Variants in SCYL3 observed in about 807,000 individuals in gnomAD.
SCYL3 encodes the protein protein-associating with the carboxyl-terminal domain of ezrin.
Under a neutral mutation model 73.8 loss-of-function variants are expected in SCYL3, and 35 were observed. The observed-to-expected ratio is 0.47, with a 90% CI of 0.36 to 0.63. The LOEUF is 0.63. Ranked by LOEUF, SCYL3 falls within the 20% of genes least tolerant of loss-of-function variation. The probability of loss-of-function intolerance (pLI) is 0.00; values close to 1 mark genes in which losing one functional copy is unlikely to be tolerated. For synonymous variants in SCYL3, 277 were observed against 295.2 expected (o/e 0.94, Z 0.63); for missense variants, 712 against 798.9 (o/e 0.89, Z 1.31).
intron 2 of SCYL3, among the ~76,000 whole-genome samples, chr1:169,883,374 G>A (rs1297533237): frequency 6.6e-6 from 1 of 152,186 alleles, no homozygotes; most frequent in East Asian, 1.9e-4. Flanking sequence ...CAGCCTAGGG[G>A]TTGGGGACAC....
At chr1:169,860,674 C>T (rs882595) in intron 10 of SCYL3, among the ~76,000 whole-genome samples, 31,603 of 152,192 alleles carry the variant, frequency 0.21, 3,694 homozygotes, top group African/African-American at 0.31. Context: ...GTTCTGCCCA[C>T]TGAATATGAT....
chr1:169,851,937 G>T lies in SCYL3; in HGVS notation c.*1776C>A. The T allele has an allele frequency of 6.2e-7, 1 of 1,613,988 alleles. No homozygotes were observed. Among genetic ancestry groups the T allele is most frequent in the Non-Finnish European group, 8.5e-7 (1 of 1,179,922 alleles). ...AGAAGCAAAGAGGTCATCTTTACAG[G>T]TATGGGCTGATTTCAATAGGGGCCA... is the stretch of plus-strand genomic sequence containing the variant. On this transcript the variant is annotated 3_prime_UTR_variant, in exon 13 of 13. Coordinates refer to ENST00000367771, the MANE Select transcript of SCYL3 (RefSeq NM_020423.7).
At chr1:169,859,341 G>T in intron 10 of SCYL3, 129 bp from the exon 11 acceptor site, 1 of 822,296 alleles carries the variant, frequency 1.2e-6, no homozygotes. Context: ...ATGTGTTCCA[G>T]GTCAGTGGCT....
intron 1 of SCYL3, 116 bp from the exon 2 acceptor site, chr1:169,889,006 C>T (rs902869620): frequency 1.0e-5 from 5 of 501,202 alleles, no homozygotes; most frequent in Middle Eastern, 3.9e-4. Flanking sequence ...ATAACTAGGA[C>T]ATTTGACAGT....
chr1:169,887,554 C>T (rs1326797523), intron 2 of SCYL3, among the ~76,000 whole-genome samples: 10 of 151,946 alleles, frequency 6.6e-5, no homozygotes, highest in East Asian at 1.9e-4. Context: ...AACAAGAAAG[C>T]GAAGTAAGGC....
chr1:169,866,622 T>TA (rs1660048423), intron 8 of SCYL3, among the ~76,000 whole-genome samples: 1 of 152,208 alleles, frequency 6.6e-6, no homozygotes, highest in Non-Finnish European at 1.5e-5. Context: ...ACCTTTTCTC[T>TA]AACGACCTCC....
chr1:169,870,726 T>C (rs1660331607), intron 5 of SCYL3, among the ~76,000 whole-genome samples: 1 of 151,826 alleles, frequency 6.6e-6, no homozygotes, highest in South Asian at 2.1e-4. Flanking sequence ...CCTTACTATC[T>C]AAGATGCCCA....
At position 169,859,083 on chromosome 1, in the gene SCYL3, T is replaced by C. The variant is rs1382651931; in HGVS notation, c.1270A>G (p.Thr424Ala). The C allele has an allele frequency of 2.5e-6, 4 of 1,614,074 alleles. No individual in the cohort carries two copies. Among genetic ancestry groups the C allele is most frequent in the Admixed American group, 1.7e-5 (1 of 59,996 alleles). ...GTATTTTTAGTAAAACTTGGGGCAGTGCGTTTGAAGATCTTGGTTCGTTCT... is the reference window on the plus strand; with the variant it reads ...GTATTTTTAGTAAAACTTGGGGCAGCGCGTTTGAAGATCTTGGTTCGTTCT... ...GGERTKIFKR[T>A]APSFTKNTDL... The change falls in exon 11 of 13, where the codon ACT becomes GCT. Residue 424 changes from threonine (T) to alanine (A), a missense_variant. Physicochemically the swap from Thr to Ala is moderately conservative, Grantham distance 58. Coordinates refer to ENST00000367771, the MANE Select transcript of SCYL3 (RefSeq NM_020423.7).
chr1:169,892,254 G>C (rs1203552734), intron 1 of SCYL3, among the ~76,000 whole-genome samples: 1 of 132,396 alleles, frequency 7.6e-6, no homozygotes, highest in Admixed American at 7.4e-5. Context: ...AAGTTTTTTT[G>C]TTTGTTTTTT....
chr1:169,858,951 G>T, intron 11 of SCYL3, 90 bp downstream of exon 11: 2 of 1,079,408 alleles, frequency 1.9e-6, no homozygotes, highest in South Asian at 1.6e-5. Flanking sequence ...TATATCATTT[G>T]ACTGAATATG....
Position 169,852,224 on chromosome 1 carries a change from G to C in SCYL3, c.*1489C>G. The C allele has an allele frequency of 2.6e-6, 1 of 384,832 alleles. No homozygotes were observed. Among genetic ancestry groups the C allele is most frequent in the Non-Finnish European group, 4.7e-6 (1 of 212,848 alleles). 23.8% of individuals were successfully genotyped at this position (384,832 alleles called of 1,614,324 possible). On this transcript the variant is annotated 3_prime_UTR_variant, in exon 13 of 13. Coordinates refer to ENST00000367771, the MANE Select transcript of SCYL3 (RefSeq NM_020423.7). The stretch of plus-strand genomic sequence containing the variant: ...TAAATGCAGTCTTTACTGAACCACA[G>C]AAGAAAATGAAAGAAACTTACTCCT...
chr1:169,881,051 C>T (rs1423544945), intron 2 of SCYL3, among the ~76,000 whole-genome samples: 1 of 152,160 alleles, frequency 6.6e-6, no homozygotes, highest in Non-Finnish European at 1.5e-5. Context: ...CGTGAGCCAC[C>T]GTGCCCAGGT....
chr1:169,853,742 C>A lies in SCYL3; in HGVS notation c.2038G>T (p.Glu680Ter), dbSNP rs761179409. 1.2e-6 allele frequency: 2 copies of A among 1,613,642 alleles called. No homozygotes were observed. Among genetic ancestry groups the A allele is most frequent in the Non-Finnish European group, 1.7e-6 (2 of 1,179,850 alleles). The change falls in exon 13 of 13, where the codon GAG becomes TAG. Residue 680 changes from glutamate (E) to a stop codon, truncating the protein, a stop_gained. Transcript: ENST00000367771. LOFTEE classifies it high-confidence loss of function. The part of the protein sequence containing the change: ...GEAEGWEEEG[E>*]LNWEDNNW The stretch of plus-strand genomic sequence containing the variant: ...CAGTTATTATCTTCCCAGTTCAGCT[C>A]CCCTTCTTCTTCCCAGCCTTCAGCC...
chr1:169,850,383 C>CT lies in SCYL3; in HGVS notation c.*3329dup. 1.4e-6 allele frequency: 2 copies of CT among 1,443,850 alleles called. No individual in the cohort carries two copies. Among genetic ancestry groups the CT allele is most frequent in the Admixed American group, 2.0e-5 (1 of 49,106 alleles). The allele number at this position is 1,443,850 out of a possible 1,614,324, so 89.4% of individuals were successfully genotyped here. ...CATGGCTCATGTTTTATTCTTTGTC[C>CT]TATTTTTTTTTTTCCGAAATTATGT... is the stretch of plus-strand genomic sequence containing the variant. On this transcript the variant is annotated 3_prime_UTR_variant, in exon 13 of 13. Coordinates refer to ENST00000367771, the MANE Select transcript of SCYL3 (RefSeq NM_020423.7).
At chr1:169,887,845 T>C (rs1661792842) in intron 2 of SCYL3, among the ~76,000 whole-genome samples, 1 of 152,156 alleles carries the variant, frequency 6.6e-6, no homozygotes, top group Admixed American at 6.5e-5. Context: ...TTATAATCAT[T>C]TTAAAAAAAT....
intron 7 of SCYL3, among the ~76,000 whole-genome samples, chr1:169,867,537 G>T (rs944637366): frequency 2.0e-5 from 3 of 152,176 alleles, no homozygotes; most frequent in African/African-American, 7.2e-5. Context: ...TACTGTATAT[G>T]AGACTGTTGA....
At position 169,850,669 on chromosome 1, in the gene SCYL3, G is replaced by A. The variant is rs1036845731; in HGVS notation, c.*3044C>T. ...AAATTAGCCGGGCATGGTGGTACGC[G>A]CCTGCAGTCCCAGCTACTCGGGAGG... On this transcript the variant is annotated 3_prime_UTR_variant, in exon 13 of 13. Transcript: ENST00000367771. 11 of 195,048 alleles carry A rather than the reference G, an allele frequency of 5.6e-5. No homozygotes were observed. Among genetic ancestry groups the A allele is most frequent in the Admixed American group, 1.1e-4 (2 of 18,564 alleles). The allele number at this position is 195,048 out of a possible 1,614,324, so 12.1% of individuals were successfully genotyped here. A position where few individuals can be genotyped will look rare whatever the true frequency, so the allele number is the denominator to read the frequency against.
intron 8 of SCYL3, among the ~76,000 whole-genome samples, chr1:169,866,250 T>C (rs1660025252): frequency 6.6e-6 from 1 of 152,232 alleles, no homozygotes; most frequent in South Asian, 2.1e-4. Flanking sequence ...GTCTTCTTCA[T>C]TGGAGACATT....
At chr1:169,878,588 C>G (rs754443464) in intron 3 of SCYL3, 46 bp downstream of exon 3, 1 of 1,448,548 alleles carries the variant, frequency 6.9e-7, no homozygotes, top group African/African-American at 1.4e-5. Flanking sequence ...CCCTCCCACC[C>G]CCATCTACAT....
Sources: gnomAD v4.1 joint callset for allele counts (sites outside exome capture counted in the v4.1 genomes callset) on GRCh38, gnomAD v4.1.1 for gene constraint, MANE v1.5 for transcripts, NCBI Gene and HGNC (gene_info 2026-07-23, HGNC 2026-07-21) for gene names.